Variants in TMEM135 observed in about 807,000 individuals in gnomAD.
TMEM135 encodes the protein peroxisomal membrane protein 52.
A neutral mutation model predicts 60.3 loss-of-function variants in TMEM135; 30 were observed. The ratio of observed to expected loss-of-function variants is 0.50; its 90% CI spans 0.37 to 0.68. The LOEUF is 0.68. TMEM135 is among the 30% of genes least tolerant of loss of function. TMEM135 has a pLI of 0.00. For synonymous variants in TMEM135, 190 were observed against 186.7 expected, an observed-to-expected ratio of 1.02 and a Z score of -0.14; for missense variants, 468 against 548.8, an observed-to-expected ratio of 0.85 and a Z score of 1.47.
intron 5 of TMEM135, among the ~76,000 whole-genome samples, chr11:87,231,858 A>G (rs1327090037): frequency 6.6e-6 from 1 of 152,132 alleles, no homozygotes; most frequent in African/African-American, 2.4e-5. Context: ...ACTGGATTGT[A>G]TCAATGGCAG....
chr11:87,207,429 C>T lies in TMEM135; in HGVS notation c.463-29209C>T, dbSNP rs533569153. Among the ~76,000 whole-genome samples the T allele has an allele frequency of 2.0e-5, 3 of 152,186 alleles. No homozygotes were observed. In the South Asian group the frequency reaches 6.2e-4, roughly 32 times the overall value. On this transcript the variant is annotated intron_variant, in intron 5 of 14. Coordinates refer to ENST00000305494, the MANE Select transcript of TMEM135 (RefSeq NM_022918.4). ...TCATTTTAGTAGAGTTTTCAGATGT[C>T]CCTTAGATCTCCTTTTGGGATTCAA...
At chr11:87,249,132 A>G (rs1014618625) in intron 6 of TMEM135, among the ~76,000 whole-genome samples, 2 of 152,190 alleles carry the variant, frequency 1.3e-5, no homozygotes, top group African/African-American at 4.8e-5. Flanking sequence ...ACTACGTTGA[A>G]TAACAGTCAT....
chr11:87,251,439 G>A (rs1394427610), intron 6 of TMEM135, among the ~76,000 whole-genome samples: 2 of 152,056 alleles, frequency 1.3e-5, no homozygotes, highest in African/African-American at 2.4e-5. Context: ...GACTTTAGAC[G>A]AATTACATAA....
At chr11:87,138,257 A>G (rs1267144965) in intron 4 of TMEM135, among the ~76,000 whole-genome samples, 1 of 151,526 alleles carries the variant, frequency 6.6e-6, no homozygotes, top group Admixed American at 6.6e-5. Flanking sequence ...CACCCGGCTA[A>G]TTTTTGTATT....
At chr11:87,298,995 G>A (rs899869044) in intron 7 of TMEM135, among the ~76,000 whole-genome samples, 19 of 152,008 alleles carry the variant, frequency 1.2e-4, no homozygotes, top group African/African-American at 4.6e-4. Flanking sequence ...GGCTGAGGCA[G>A]GAGAATTGCT....
At chr11:87,280,213 A>C (rs1942035676) in intron 6 of TMEM135, among the ~76,000 whole-genome samples, 1 of 152,234 alleles carries the variant, frequency 6.6e-6, no homozygotes, top group South Asian at 2.1e-4. Context: ...CTGTCATTTA[A>C]AAAGTTTAAA....
At chr11:87,202,471 A>G (rs957722239) in intron 5 of TMEM135, among the ~76,000 whole-genome samples, 5 of 151,784 alleles carry the variant, frequency 3.3e-5, no homozygotes, top group South Asian at 2.1e-4. Flanking sequence ...GACTACACAC[A>G]TGCCCTACCG....
intron 3 of TMEM135, among the ~76,000 whole-genome samples, chr11:87,084,622 A>C (rs182997555): frequency 6.6e-6 from 1 of 152,128 alleles, no homozygotes; most frequent in African/African-American, 2.4e-5. Context: ...ACTTTTTTTG[A>C]TAACACCCCT....
intron 6 of TMEM135, among the ~76,000 whole-genome samples, chr11:87,255,407 AT>A (rs1219264950): frequency 3.3e-5 from 5 of 152,178 alleles, no homozygotes; most frequent in African/African-American, 9.6e-5. Context: ...AAGGTATCCA[AT>A]TTTTCTTCAT....
At position 87,309,467 on chromosome 11, in the gene TMEM135, T is replaced by C. The variant is rs115803869; in HGVS notation, c.769-38T>C. On this transcript the variant is annotated intron_variant, in intron 9 of 14. Coordinates refer to ENST00000305494, the MANE Select transcript of TMEM135 (RefSeq NM_022918.4). The stretch of plus-strand genomic sequence containing the variant: ...CGTATTCTATCAAAAACTTCAAAAT[T>C]TGTTTGTAAATCAGGTTTTTCTCCA... The C allele has an allele frequency of 2.5e-3, 3,979 of 1,611,616 alleles. 98 individuals carry two copies. In the African/African-American group the frequency reaches 0.045, roughly 18 times the overall value.
intron 5 of TMEM135, among the ~76,000 whole-genome samples, chr11:87,190,423 G>GT (rs1052051840): frequency 6.6e-6 from 1 of 152,072 alleles, no homozygotes; most frequent in Non-Finnish European, 1.5e-5. Context: ...CTTTTTCTTA[G>GT]TTTTTTTCTT....
chr11:87,273,930 C>T (rs947879892), intron 6 of TMEM135, among the ~76,000 whole-genome samples: 1 of 152,006 alleles, frequency 6.6e-6, no homozygotes, highest in African/African-American at 2.4e-5. Context: ...TTACTTTGGA[C>T]AGTTGAGTTA....
At chr11:87,162,126 TAAAG>T (rs551570292) in intron 5 of TMEM135, among the ~76,000 whole-genome samples, 215 of 152,118 alleles carry the variant, frequency 1.4e-3, no homozygotes, top group African/African-American at 4.4e-3. Context: ...ATTTAAATAA[TAAAG>T]AAATAAATGA....
intron 4 of TMEM135, among the ~76,000 whole-genome samples, chr11:87,109,365 TAAC>T (rs1219851466): frequency 3.3e-5 from 5 of 152,176 alleles, no homozygotes; most frequent in Non-Finnish European, 7.3e-5. Flanking sequence ...AGTAAAAGAT[TAAC>T]AACAATAGCT....
chr11:87,268,154 A>G (rs368268302), intron 6 of TMEM135, among the ~76,000 whole-genome samples: 24 of 70,478 alleles, frequency 3.4e-4, no homozygotes, highest in African/African-American at 9.7e-4. Context: ...CCTTTCCTTT[A>G]TTTCCTTTCC....
At chr11:87,269,656 C>T (rs936835178) in intron 6 of TMEM135, among the ~76,000 whole-genome samples, 1 of 151,414 alleles carries the variant, frequency 6.6e-6, no homozygotes, top group African/African-American at 2.4e-5. Context: ...CATCCATGTC[C>T]CTACAAAGGA....
chr11:87,053,082 C>T (rs1165194596), intron 1 of TMEM135, among the ~76,000 whole-genome samples: 1 of 126,776 alleles, frequency 7.9e-6, no homozygotes, highest in Non-Finnish European at 1.6e-5. Flanking sequence ...CGAAACACCG[C>T]ATATTCTCAC....
intron 5 of TMEM135, among the ~76,000 whole-genome samples, chr11:87,215,307 A>G (rs919744645): frequency 6.6e-5 from 10 of 152,184 alleles, no homozygotes; most frequent in African/African-American, 1.9e-4. Context: ...AACTACCCCA[A>G]AACTTACTGG....
intron 4 of TMEM135, among the ~76,000 whole-genome samples, chr11:87,137,596 A>G (rs1199222213): frequency 6.6e-6 from 1 of 152,202 alleles, no homozygotes; most frequent in African/African-American, 2.4e-5. Context: ...ATGGTTGAGA[A>G]AGTTCAGCTC....
Sources: allele counts gnomAD v4.1 joint callset (sites outside exome capture counted in the v4.1 genomes callset), GRCh38; gene constraint gnomAD v4.1.1; transcripts MANE v1.5; gene names NCBI Gene and HGNC (gene_info 2026-07-23, HGNC 2026-07-21).